The following SYNJ2 variants were observed in gnomAD, a reference collection of about 807,000 sequenced individuals.
SYNJ2 encodes the protein synaptojanin 2, also known as polyphosphatidylinositol phosphatase SYNJ2.
Under a neutral mutation model 141.3 loss-of-function variants are expected in SYNJ2, and 116 were observed. That is an observed-to-expected ratio of 0.82 (90% CI 0.71 to 0.96). The LOEUF (loss-of-function observed/expected upper bound fraction) is 0.96, where lower values mean the gene tolerates loss of function less well. SYNJ2 is among the 40% of genes least tolerant of loss of function. The pLI is 0.00. For missense variants in SYNJ2, 1,873 were observed against 1,934.8 expected, an observed-to-expected ratio of 0.97 and a Z score of 0.60; for synonymous variants, 745 against 777.7, an observed-to-expected ratio of 0.96 and a Z score of 0.70.
At chr6:158,081,552 A>G (rs1018344551) in intron 20 of SYNJ2, 42 bp downstream of exon 20, 14 of 1,544,418 alleles carry the variant, frequency 9.1e-6, no homozygotes, top group Admixed American at 3.4e-5. Context: ...GGTCTGATCA[A>G]TCCCTCTTTT....
At chr6:158,016,915 G>A in intron 1 of SYNJ2, 1 of 962,560 alleles carries the variant, frequency 1.0e-6, no homozygotes, top group Non-Finnish European at 1.3e-6. Flanking sequence ...CAGGCCCCAG[G>A]TGCCTGCCCC....
intron 1 of SYNJ2, among the ~76,000 whole-genome samples, chr6:157,998,085 A>G (rs1397626783): frequency 6.6e-6 from 1 of 152,226 alleles, no homozygotes; most frequent in African/African-American, 2.4e-5. Flanking sequence ...TCAGAGAGGA[A>G]TAGGCTGGAA....
In SYNJ2 at chr6:158,046,890, T is replaced by G. The variant is rs887546551; in HGVS notation, c.795+3491T>G. ...TTGCTCCCCTGGTCATTGTAGAAGC[T>G]TCCCCCCACCATATGCTGTATAGAC... is the stretch of plus-strand genomic sequence containing the variant. On this transcript the variant is annotated intron_variant, in intron 5 of 26. Transcript: ENST00000355585. Among the ~76,000 whole-genome samples, 5 of 150,570 alleles carry G rather than the reference T, an allele frequency of 3.3e-5. No homozygotes were observed. In the East Asian group the frequency reaches 7.7e-4, roughly 23 times the overall value.
chr6:157,991,031 G>A (rs888802683), intron 1 of SYNJ2, among the ~76,000 whole-genome samples: 20 of 152,176 alleles, frequency 1.3e-4, no homozygotes, highest in African/African-American at 3.6e-4. Flanking sequence ...TTTTTCAGCT[G>A]CAAAGTCAAT....
At position 158,049,372 on chromosome 6, in the gene SYNJ2, A is replaced by T. The variant is rs565775576; in HGVS notation, c.796-5595A>T. On this transcript the variant is annotated intron_variant, in intron 5 of 26. Coordinates refer to ENST00000355585, the MANE Select transcript of SYNJ2 (RefSeq NM_003898.4). ...GACTAGGTGACACCAGAGAAGGTGGATGCTGGTCAGTGTTGGAGCAGGACA... is the reference window on the plus strand; with the variant it reads ...GACTAGGTGACACCAGAGAAGGTGGTTGCTGGTCAGTGTTGGAGCAGGACA... Among the ~76,000 whole-genome samples, 251 of 152,244 alleles carry T rather than the reference A, an allele frequency of 1.6e-3. 1 individual carries two copies. The highest frequency in any genetic ancestry group is 2.5e-3 in the Non-Finnish European group (171 of 67,992).
At chr6:157,986,092 G>T (rs1193679741) in intron 1 of SYNJ2, among the ~76,000 whole-genome samples, 1 of 152,162 alleles carries the variant, frequency 6.6e-6, no homozygotes, top group African/African-American at 2.4e-5. Context: ...CTGGAATTTT[G>T]ATCTGCTAGA....
chr6:157,994,886 CA>C (rs1777583136), intron 1 of SYNJ2, among the ~76,000 whole-genome samples: 1 of 152,148 alleles, frequency 6.6e-6, no homozygotes, highest in Non-Finnish European at 1.5e-5. Flanking sequence ...CAGGGAGTCC[CA>C]GGGGGTTCCT....
In SYNJ2 at chr6:158,043,496, C is replaced by G; in HGVS notation, c.795+97C>G. On this transcript the variant is annotated intron_variant, in intron 5 of 26. Coordinates refer to ENST00000355585, the MANE Select transcript of SYNJ2 (RefSeq NM_003898.4). The surrounding 1 kb of genome is among the most constrained non-coding windows in gnomAD (Gnocchi z 4.0). ...AAGATTTCTTTTAACACGTTCGTTT[C>G]ATGGCATAGTTTCCAGTCTTTTTCC... 1 of 858,190 alleles carries G rather than the reference C, an allele frequency of 1.2e-6. No homozygotes were observed. The highest frequency in any genetic ancestry group is 1.9e-6 in the Non-Finnish European group (1 of 534,378). The allele number at this position is 858,190 out of a possible 1,614,324, so 53.2% of individuals were successfully genotyped here. A position where few individuals can be genotyped will look rare whatever the true frequency, so the allele number is the denominator to read the frequency against.
intron 3 of SYNJ2, chr6:158,030,817 C>T (rs1291485670): frequency 6.6e-6 from 1 of 152,334 alleles, no homozygotes; most frequent in Non-Finnish European, 1.5e-5. Context: ...ATCGTTTGAA[C>T]CCAGGAGGCT....
At chr6:158,086,762 C>T in intron 22 of SYNJ2, 93 bp from the exon 23 acceptor site, 1 of 1,446,344 alleles carries the variant, frequency 6.9e-7, no homozygotes, top group Non-Finnish European at 9.3e-7. Context: ...AGCAGGTCCC[C>T]CTGCCACAGT....
At chr6:158,012,680 T>TG (rs568796301) in intron 1 of SYNJ2, among the ~76,000 whole-genome samples, 68 of 152,326 alleles carry the variant, frequency 4.5e-4, no homozygotes, top group Non-Finnish European at 9.0e-4. Flanking sequence ...AGTCATTTGT[T>TG]GCGGTAGTAA....
intron 6 of SYNJ2, among the ~76,000 whole-genome samples, chr6:158,058,675 C>T (rs910114449): frequency 2.6e-5 from 4 of 152,172 alleles, no homozygotes; most frequent in African/African-American, 9.7e-5. Flanking sequence ...GCCTGTAATC[C>T]CAACACTTTG....
At chr6:158,002,018 C>T (rs1777881720) in intron 1 of SYNJ2, among the ~76,000 whole-genome samples, 1 of 152,194 alleles carries the variant, frequency 6.6e-6, no homozygotes, top group African/African-American at 2.4e-5. Flanking sequence ...GCTGTGTCCT[C>T]CCACTCTTCT....
intron 1 of SYNJ2, among the ~76,000 whole-genome samples, chr6:158,011,442 G>A (rs1171105536): frequency 1.3e-5 from 2 of 152,176 alleles, no homozygotes; most frequent in Non-Finnish European, 2.9e-5. Flanking sequence ...CCATGGTCAA[G>A]GCCTGTTTTG....
intron 24 of SYNJ2, 60 bp downstream of exon 24, chr6:158,088,832 C>A: frequency 8.3e-7 from 1 of 1,203,248 alleles, no homozygotes; most frequent in Non-Finnish European, 1.2e-6. Context: ...AGTGTGGGAT[C>A]TCTCTTCTCA....
At chr6:158,044,972 G>A (rs944234230) in intron 5 of SYNJ2, among the ~76,000 whole-genome samples, 12 of 152,194 alleles carry the variant, frequency 7.9e-5, no homozygotes, top group African/African-American at 2.9e-4. Flanking sequence ...AGACCATGTT[G>A]TGTTTCATGT....
At chr6:158,052,567 C>T (rs2502617) in intron 5 of SYNJ2, among the ~76,000 whole-genome samples, 55,048 of 151,976 alleles carry the variant, frequency 0.36, 10,251 homozygotes, top group South Asian at 0.43. Context: ...TGTCATATGA[C>T]GAGGGAGGGA....
In SYNJ2 at chr6:158,096,539, C is replaced by T; in HGVS notation, c.*175C>T. On this transcript the variant is annotated 3_prime_UTR_variant, in exon 27 of 27. Coordinates refer to ENST00000355585, the MANE Select transcript of SYNJ2 (RefSeq NM_003898.4). ...CTTATTCAGTAAGATGGTTACTCAGCCACCAAAATATATTTCACTCAAGGC... is the reference window on the plus strand; with the variant it reads ...CTTATTCAGTAAGATGGTTACTCAGTCACCAAAATATATTTCACTCAAGGC... 1.6e-6 allele frequency: 1 copy of T among 630,176 alleles called. No individual in the cohort carries two copies. The allele number at this position is 630,176 out of a possible 1,614,324, so 39.0% of individuals were successfully genotyped here. A position where few individuals can be genotyped will look rare whatever the true frequency, so the allele number is the denominator to read the frequency against.
intron 2 of SYNJ2, among the ~76,000 whole-genome samples, chr6:158,026,104 C>G (rs1779032480): frequency 6.6e-6 from 1 of 152,226 alleles, no homozygotes; most frequent in Non-Finnish European, 1.5e-5. Context: ...CATTTTGGCT[C>G]CAACACAGAC....
Sources: allele counts gnomAD v4.1 joint callset (sites outside exome capture counted in the v4.1 genomes callset), GRCh38; gene constraint gnomAD v4.1.1; non-coding constraint Gnocchi (gnomAD v3.1); transcripts MANE v1.5; gene names NCBI Gene and HGNC (gene_info 2026-07-23, HGNC 2026-07-21).